MED26: variants seen among roughly 807,000 people sequenced by gnomAD.
The protein encoded by MED26 is mediator of RNA polymerase II transcription subunit 26.
In MED26, 7 loss-of-function variants were observed where a neutral mutation model predicts 43.7. The ratio of observed to expected loss-of-function variants is 0.16; its 90% CI spans 0.09 to 0.30. MED26 has a LOEUF of 0.30. Among genes scored for constraint, MED26 ranks in the 10% least tolerant of loss-of-function variants. MED26 has a pLI of 1.00. For synonymous variants in MED26, 375 were observed against 371.1 expected (o/e 1.01, Z -0.12); for missense variants, 784 against 840.6 (o/e 0.93, Z 0.83).
chr19:16,598,476 T>C (rs2086133034), intron 1 of MED26, among the ~76,000 whole-genome samples: 1 of 152,020 alleles, frequency 6.6e-6, no homozygotes, highest in South Asian at 2.1e-4. Flanking sequence ...GGTGATGCCC[T>C]GGCCTGCCTC....
Position 16,576,907 on chromosome 19 carries a change from T to C in MED26, c.923A>G (p.Asp308Gly), listed in dbSNP as rs773038266. ...PSPSPRPQALDATQVPSPLPL... is the reference protein window; with the variant it reads ...PSPSPRPQALGATQVPSPLPL... ...AAGCGGTGACGGCACCTGTGTGGCA[T>C]CGAGTGCCTGGGGCCGCGGTGAGGG... is the stretch of plus-strand genomic sequence containing the variant. Residue 308 changes from aspartate to glycine, a missense_variant, in exon 3 of 3, where the codon GAT becomes GGT. By Grantham distance (94) the Asp-to-Gly change is moderately conservative. This residue lies in a region of MED26 where 719 missense variants were observed against 730.9 expected (regional missense o/e 0.98). Transcript: ENST00000263390. The surrounding 1 kb of genome is among the most constrained non-coding windows in gnomAD (Gnocchi z 6.8). The C allele has an allele frequency of 6.2e-7, 1 of 1,602,644 alleles. No homozygotes were observed. The highest frequency in any genetic ancestry group is 8.5e-7 in the Non-Finnish European group (1 of 1,173,592).
chr19:16,601,476 C>T (rs1246826510), intron 1 of MED26, among the ~76,000 whole-genome samples: 1 of 152,176 alleles, frequency 6.6e-6, no homozygotes, highest in Admixed American at 6.5e-5. Context: ...TCTTTTACCA[C>T]ACTCTCAGCT....
In MED26 at chr19:16,623,969, G is replaced by A. The variant is rs534281846; in HGVS notation, c.72+3903C>T. The stretch of plus-strand genomic sequence containing the variant: ...GCTGGCTTCTGCACCTGCAAAAGGG[G>A]AGACTGGCTCCCCCACTCACAAGGC... On this transcript the variant is annotated intron_variant, in intron 1 of 2. Coordinates refer to ENST00000263390, the MANE Select transcript of MED26 (RefSeq NM_004831.5). Among the ~76,000 whole-genome samples the A allele has an allele frequency of 2.6e-5, 4 of 152,236 alleles. No homozygotes were observed. The South Asian group carries it at 8.3e-4, about 32-fold the overall frequency.
intron 1 of MED26, among the ~76,000 whole-genome samples, chr19:16,596,412 C>G: frequency 6.6e-6 from 1 of 152,180 alleles, no homozygotes; most frequent in East Asian, 1.9e-4. Context: ...CACAGACATT[C>G]ATAAATAATT....
At chr19:16,588,269 C>T (rs1240745237) in intron 1 of MED26, 2 of 152,294 alleles carry the variant, frequency 1.3e-5, no homozygotes, top group South Asian at 4.1e-4. Flanking sequence ...AGAATGCCAG[C>T]TGCAGAAGAC....
chr19:16,610,093 C>A (rs2086192989), intron 1 of MED26, among the ~76,000 whole-genome samples: 1 of 151,968 alleles, frequency 6.6e-6, no homozygotes, highest in African/African-American at 2.4e-5. Context: ...GAGACCGTCT[C>A]TATAAAAAAT....
intron 1 of MED26, among the ~76,000 whole-genome samples, chr19:16,582,851 C>T (rs1347056261): frequency 6.6e-6 from 1 of 152,338 alleles, no homozygotes; most frequent in South Asian, 2.1e-4. Context: ...CAGACAGCAC[C>T]AAAGCCCTGC....
chr19:16,576,839 G>C lies in MED26; in HGVS notation c.991C>G (p.Leu331Val). ...PSTPPVRRLELLPSAESPVCW... is the reference protein window; with the variant it reads ...PSTPPVRRLEVLPSAESPVCW... ...ACTGGGCTTTCCGCACTGGGCAGCA[G>C]CTCGAGCCGCCGTACGGGGGGTGTG... Residue 331 changes from leucine (L) to valine (V), a missense_variant, in exon 3 of 3, where the codon CTG (leucine) becomes GTG (valine). Leu to Val is a conservative substitution (Grantham distance 32). Around this residue, in one of 3 missense-constraint regions of MED26, gnomAD observed 719 missense variants for 730.9 expected, o/e 0.98. Coordinates refer to ENST00000263390, the MANE Select transcript of MED26 (RefSeq NM_004831.5). The surrounding 1 kb of genome is among the most constrained non-coding windows in gnomAD (Gnocchi z 6.8). The C allele has an allele frequency of 6.2e-7, 1 of 1,609,932 alleles. No individual in the cohort carries two copies.
rs763635097 is a variant in MED26 at position 16,576,065 on chromosome 19, C to G, written c.1765G>C (p.Gly589Arg). 1 of 1,613,690 alleles carries G rather than the reference C, an allele frequency of 6.2e-7. No individual in the cohort carries two copies. ...ACATAAGGCAGAATGTTCAAGCGCC[C>G]GTCGTCGCCGTGCGGATCGAGCGAT... Reference protein sequence around the residue: ...CISLDPHGDDGRLNILPYVCL... With the variant: ...CISLDPHGDDRRLNILPYVCL... The change falls in exon 3 of 3, where the codon GGG becomes CGG. Residue 589 changes from glycine (G) to arginine (R), a missense_variant. Transcript: ENST00000263390. The surrounding 1 kb of genome is among the most constrained non-coding windows in gnomAD (Gnocchi z 6.8).
rs1431247899 is a variant in MED26, at chr19:16,584,302, CCG to C, written c.73-5895_73-5894del. 6.3e-3 allele frequency among the ~76,000 whole-genome samples: 864 copies of C among 136,312 alleles called. 2 individuals are homozygous for C. The highest frequency in any genetic ancestry group is 0.011 in the East Asian group (55 of 5,058). 89.4% of individuals were successfully genotyped at this position (136,312 alleles called of 152,430 possible). ...ACCGAAACCCAAACACTGCCCCCCC[CCG>C]CCCCGCCAAAAAAAAACAAAAAACA... On this transcript the variant is annotated intron_variant, in intron 1 of 2. Coordinates refer to ENST00000263390, the MANE Select transcript of MED26 (RefSeq NM_004831.5).
At chr19:16,619,913 T>C (rs2122455571) in intron 1 of MED26, among the ~76,000 whole-genome samples, 1 of 152,328 alleles carries the variant, frequency 6.6e-6, no homozygotes, top group African/African-American at 2.4e-5. Context: ...TGTCCAGGAA[T>C]GCCATGTTTT....
chr19:16,608,966 G>A (rs965216626), intron 1 of MED26, among the ~76,000 whole-genome samples: 3 of 152,152 alleles, frequency 2.0e-5, no homozygotes, highest in Non-Finnish European at 4.4e-5. Context: ...TATAGTACAG[G>A]TATTTGAAAA....
intron 1 of MED26, among the ~76,000 whole-genome samples, chr19:16,602,950 G>A (rs1251115969): frequency 6.6e-6 from 1 of 152,184 alleles, no homozygotes; most frequent in Non-Finnish European, 1.5e-5. Flanking sequence ...CCACTGAACT[G>A]TACAGTTAAA....
intron 1 of MED26, chr19:16,610,755 T>C (rs1345698484): frequency 6.6e-6 from 1 of 152,210 alleles, no homozygotes; most frequent in Non-Finnish European, 1.5e-5. Flanking sequence ...AAATTACCCA[T>C]TGCACCCTGT....
In MED26 at chr19:16,578,742, G is replaced by A. The variant is rs900590340; in HGVS notation, c.73-333C>T. On this transcript the variant is annotated intron_variant, in intron 1 of 2. Transcript: ENST00000263390. Reference sequence around the variant, plus strand: ...TGATACTTAAGATGACCTCTACTCTGCCATCTGATGGGAGTGGGAGAGGAG... The same window carrying A: ...TGATACTTAAGATGACCTCTACTCTACCATCTGATGGGAGTGGGAGAGGAG... The A allele has an allele frequency of 7.3e-5, 21 of 286,246 alleles. No homozygotes were observed. In the Admixed American group the frequency reaches 9.8e-4, roughly 13 times the overall value. The allele number at this position is 286,246 out of a possible 1,614,324, so 17.7% of individuals were successfully genotyped here.
intron 1 of MED26, chr19:16,624,448 G>A (rs2086264715): frequency 6.6e-6 from 1 of 152,240 alleles, no homozygotes; most frequent in Admixed American, 6.5e-5. Context: ...CACGCGGCCA[G>A]GGCTAGTTCA....
Position 16,578,164 on chromosome 19 carries a change from A to G in MED26, c.147+171T>C. 2 of 679,070 alleles carry G rather than the reference A, an allele frequency of 2.9e-6. 1 individual carries two copies. Among genetic ancestry groups the G allele is most frequent in the South Asian group, 3.3e-5 (2 of 59,716 alleles). 42.1% of individuals were successfully genotyped at this position (679,070 alleles called of 1,614,324 possible). ...GGGAGTAACACCACTTGGTCTCTGC[A>G]GTGCCCGTGGGAGAGCAAGATCGCG... is the stretch of plus-strand genomic sequence containing the variant. On this transcript the variant is annotated intron_variant, in intron 2 of 2. Coordinates refer to ENST00000263390, the MANE Select transcript of MED26 (RefSeq NM_004831.5).
At chr19:16,606,965 C>A (rs1212157954) in intron 1 of MED26, among the ~76,000 whole-genome samples, 1 of 152,178 alleles carries the variant, frequency 6.6e-6, no homozygotes, top group Admixed American at 6.5e-5. Flanking sequence ...TCAAATGATC[C>A]TCTTGTCTCA....
intron 1 of MED26, among the ~76,000 whole-genome samples, chr19:16,583,380 A>G (rs1224689747): frequency 6.6e-6 from 1 of 152,216 alleles, no homozygotes; most frequent in African/African-American, 2.4e-5. Context: ...GAACTTCCTT[A>G]ACCATCAACG....
Sources: allele counts gnomAD v4.1 joint callset (sites outside exome capture counted in the v4.1 genomes callset), GRCh38; gene constraint gnomAD v4.1.1; regional missense constraint gnomAD v4.1.1; non-coding constraint Gnocchi (gnomAD v3.1); transcripts MANE v1.5; gene names NCBI Gene and HGNC (gene_info 2026-07-23, HGNC 2026-07-21).